Variants in ARSL observed in about 807,000 individuals in gnomAD.
ARSL encodes arylsulfatase L, also known as arylsulfatase E (chondrodysplasia punctata 1).
Under a neutral mutation model 31.1 loss-of-function variants are expected in ARSL, and 4 were observed. That is an observed-to-expected ratio of 0.13 (90% confidence interval 0.06 to 0.29). ARSL has a LOEUF of 0.29. Among genes scored for constraint, ARSL ranks in the 10% least tolerant of loss-of-function variants. The probability of loss-of-function intolerance (pLI) is 1.00; values close to 1 mark genes in which losing one functional copy is unlikely to be tolerated. For missense variants in ARSL, 312 were observed against 497.8 expected (o/e 0.63, Z 3.55); for synonymous variants, 198 against 209.9 (o/e 0.94, Z 0.49).
intron 4 of ARSL, among the ~76,000 whole-genome samples, chrX:2,953,657 A>G (rs184130419): frequency 1.6e-3 from 176 of 111,767 alleles, no homozygotes; most frequent in African/African-American, 5.7e-3. Flanking sequence ...GGCTCAAACG[A>G]TCCTCCCACC....
upstream of ARSL, among the ~76,000 whole-genome samples, chrX:2,966,831 A>T (rs959869820): frequency 1.8e-5 from 2 of 110,037 alleles, no homozygotes. Flanking sequence ...ATATAAACAT[A>T]TAACATATAA....
intron 9 of ARSL, among the ~76,000 whole-genome samples, chrX:2,937,888 G>C (rs1272679832): frequency 8.9e-6 from 1 of 111,753 alleles, no homozygotes; most frequent in Non-Finnish European, 1.9e-5. Flanking sequence ...CCTTCTCCCC[G>C]TATCTGGTTA....
chrX:2,948,743 A>T (rs994273282), intron 6 of ARSL, among the ~76,000 whole-genome samples: 10 of 110,951 alleles, frequency 9.0e-5, no homozygotes, highest in African/African-American at 3.3e-4. Flanking sequence ...CTCTTGCCTC[A>T]GTCTCCCGAG....
At chrX:2,965,549 AT>A (rs199621591), upstream of ARSL, among the ~76,000 whole-genome samples, 22,373 of 104,859 alleles carry the variant, frequency 0.21, 2,384 homozygotes, top group Middle Eastern at 0.36. Context: ...AAGAAAAAAA[AT>A]AAGCAAAAAA....
chrX:2,959,447 C>A lies in ARSL; in HGVS notation c.23+931G>T, dbSNP rs112254280. ...ATTGCTGCCTCTTTCATCGATGCCA[C>A]CCTGGGAATGCACATGGACAGCAGG... On this transcript the variant is annotated intron_variant, in intron 2 of 10. Coordinates refer to ENST00000381134, the MANE Select transcript of ARSL (RefSeq NM_000047.3). 0.013 allele frequency among the ~76,000 whole-genome samples: 1,406 copies of A among 111,537 alleles called. 19 individuals carry two copies. The highest frequency in any genetic ancestry group is 0.043 in the African/African-American group (1,330 of 30,659).
At chrX:2,961,879 T>C (rs2089641950) in intron 1 of ARSL, among the ~76,000 whole-genome samples, 1 of 103,717 alleles carries the variant, frequency 9.6e-6, no homozygotes, top group South Asian at 4.4e-4. Flanking sequence ...TTTTTTTTAA[T>C]CTTTCTTTTT....
chrX:2,966,071 CT>C (rs1384455897), upstream of ARSL, among the ~76,000 whole-genome samples: 1 of 112,122 alleles, frequency 8.9e-6, no homozygotes, highest in Non-Finnish European at 1.9e-5. Flanking sequence ...CCTGCTGTCT[CT>C]TCGCAACTTC....
chrX:2,944,318 G>C (rs1377781245), intron 7 of ARSL, among the ~76,000 whole-genome samples: 2 of 109,171 alleles, frequency 1.8e-5, no homozygotes, highest in Non-Finnish European at 3.8e-5. Flanking sequence ...GCCAGGCATG[G>C]TGGCGGGTGC....
intron 7 of ARSL, 53 bp from the exon 8 acceptor site, chrX:2,943,252 G>A (rs1437431896): frequency 4.2e-6 from 5 of 1,192,000 alleles, no homozygotes; most frequent in Non-Finnish European, 5.7e-6. Context: ...TATCAGAAAT[G>A]CAGCTCTGAA....
At chrX:2,965,387 G>C (rs1032611463), upstream of ARSL, among the ~76,000 whole-genome samples, 18 of 109,240 alleles carry the variant, frequency 1.6e-4, no homozygotes, top group Admixed American at 1.6e-3. Context: ...TGTAATCCCA[G>C]CTACTCGGGA....
Position 2,960,430 on chromosome X carries a change from A to G in ARSL, c.-20-10T>C, listed in dbSNP as rs773932426. The G allele has an allele frequency of 2.5e-6, 3 of 1,202,699 alleles. No homozygotes were observed. The highest frequency in any genetic ancestry group is 3.4e-6 in the Non-Finnish European group (3 of 891,564). On this transcript the variant is annotated splice_polypyrimidine_tract_variant and intron_variant, in intron 1 of 10. Transcript: ENST00000381134. ...TCTCTCTCTCTACTTCCTGTAAGAC[A>G]TAAAGATGTCCACAATCACATTGAC...
At position 2,964,220 on chromosome X, in the gene ARSL, T is replaced by TCA; in HGVS notation, c.-21+2_-21+3dup. On this transcript the variant is annotated splice_donor_region_variant and intron_variant, in intron 1 of 10. Transcript: ENST00000381134. ...CAGCACAAATGAACATTCACAGGAC[T>TCA]CACCTCTGCTCCTGGGCTCCTTCCT... 1 of 754,064 alleles carries TCA rather than the reference T, an allele frequency of 1.3e-6. No homozygotes were observed. Among genetic ancestry groups the TCA allele is most frequent in the Non-Finnish European group, 1.6e-6 (1 of 639,297 alleles). 62.1% of individuals were successfully genotyped at this position (754,064 alleles called of 1,213,427 possible).
intron 3 of ARSL, among the ~76,000 whole-genome samples, chrX:2,956,151 G>A (rs1348555511): frequency 1.8e-5 from 2 of 112,243 alleles, no homozygotes; most frequent in Admixed American, 1.9e-4. Context: ...CACCTTCTCT[G>A]GAGCTCACAG....
upstream of ARSL, among the ~76,000 whole-genome samples, chrX:2,965,729 C>T (rs1377587191): frequency 1.8e-5 from 2 of 110,645 alleles, no homozygotes; most frequent in African/African-American, 3.3e-5. Context: ...GGCAAAACCC[C>T]GTCTGTACTA....
chrX:2,956,401 C>T (rs994514927), intron 3 of ARSL, among the ~76,000 whole-genome samples: 3 of 111,679 alleles, frequency 2.7e-5, no homozygotes, highest in African/African-American at 9.8e-5. Flanking sequence ...GGGAGTGAGA[C>T]AGAGATCAAT....
intron 5 of ARSL, among the ~76,000 whole-genome samples, chrX:2,951,782 CAGAG>C (rs1463603505): frequency 1.1e-5 from 1 of 92,734 alleles, no homozygotes; most frequent in Non-Finnish European, 2.1e-5. Flanking sequence ...GCCTGAGTAA[CAGAG>C]TGAGTACCCT....
chrX:2,967,830 C>T (rs766789423), upstream of ARSL, among the ~76,000 whole-genome samples: 1 of 111,081 alleles, frequency 9.0e-6, no homozygotes, highest in Non-Finnish European at 1.9e-5. Context: ...TTTTCACCTC[C>T]GGTGTCTCTT....
chrX:2,939,575 A>T (rs1173911134), intron 8 of ARSL, among the ~76,000 whole-genome samples: 1 of 111,467 alleles, frequency 9.0e-6, no homozygotes, highest in Non-Finnish European at 1.9e-5. Context: ...GTTGGCATTT[A>T]TATATCCCGT....
At chrX:2,955,312 C>G (rs1208780438) in intron 4 of ARSL, 104 bp downstream of exon 4, 3 of 999,049 alleles carry the variant, frequency 3.0e-6, no homozygotes, top group East Asian at 6.7e-5. Context: ...GAACACCCCC[C>G]AGTCTCTATT....
Sources: allele counts gnomAD v4.1 joint callset (sites outside exome capture counted in the v4.1 genomes callset), GRCh38; gene constraint gnomAD v4.1.1; transcripts MANE v1.5; gene names NCBI Gene and HGNC (gene_info 2026-07-23, HGNC 2026-07-21).